ASIC2: variants seen among roughly 807,000 people sequenced by gnomAD.
ASIC2 encodes the protein acid-sensing ion channel 2.
In ASIC2, 25 loss-of-function variants were observed where a neutral mutation model predicts 57.3. The ratio of observed to expected loss-of-function variants is 0.44; its 90% CI spans 0.32 to 0.61. The LOEUF (loss-of-function observed/expected upper bound fraction) is 0.61, where lower values mean the gene tolerates loss of function less well. Among genes scored for constraint, ASIC2 ranks in the 20% least tolerant of loss-of-function variants. The probability of loss-of-function intolerance (pLI) is 0.06; values close to 1 mark genes in which losing one functional copy is unlikely to be tolerated. For synonymous variants in ASIC2, 319 were observed against 307.5 expected, an observed-to-expected ratio of 1.04 and a Z score of -0.39; for missense variants, 641 against 738.1, an observed-to-expected ratio of 0.87 and a Z score of 1.52.
chr17:33,998,031 T>C (rs1263994991), intron 1 of ASIC2, among the ~76,000 whole-genome samples: 1 of 152,200 alleles, frequency 6.6e-6, no homozygotes, highest in African/African-American at 2.4e-5. Context: ...GGCTCTTCTT[T>C]GTTCTGAGAT....
intron 1 of ASIC2, among the ~76,000 whole-genome samples, chr17:33,896,015 A>T (rs1192764881): frequency 1.3e-5 from 2 of 152,242 alleles, no homozygotes; most frequent in African/African-American, 2.4e-5. Context: ...GATTAAAAAA[A>T]AATGTAAAGC....
intron 1 of ASIC2, among the ~76,000 whole-genome samples, chr17:33,622,075 C>T (rs1905819505): frequency 6.6e-6 from 1 of 151,898 alleles, no homozygotes; most frequent in Non-Finnish European, 1.5e-5. Flanking sequence ...CATTTCTCTC[C>T]CTTTCTTCCT....
At chr17:33,583,933 G>C (rs1387527768) in intron 1 of ASIC2, among the ~76,000 whole-genome samples, 1 of 152,154 alleles carries the variant, frequency 6.6e-6, no homozygotes, top group African/African-American at 2.4e-5. Flanking sequence ...AGGCAGACAT[G>C]TTCTGGGCTC....
At chr17:33,402,124 T>C (rs899010236) in intron 1 of ASIC2, among the ~76,000 whole-genome samples, 6 of 152,158 alleles carry the variant, frequency 3.9e-5, no homozygotes, top group African/African-American at 1.4e-4. Flanking sequence ...TCAAGCCCAC[T>C]GGGAAAGCTG....
At chr17:33,756,649 C>T (rs1910612392) in intron 1 of ASIC2, among the ~76,000 whole-genome samples, 1 of 152,178 alleles carries the variant, frequency 6.6e-6, no homozygotes, top group East Asian at 1.9e-4. Context: ...CACTTCCTGC[C>T]CCTGCCAGCA....
chr17:33,808,550 A>C (rs1912330981), intron 1 of ASIC2, among the ~76,000 whole-genome samples: 1 of 152,202 alleles, frequency 6.6e-6, no homozygotes, highest in Admixed American at 6.5e-5. Context: ...TCAGTTTGCC[A>C]ATATCCACAG....
intron 1 of ASIC2, among the ~76,000 whole-genome samples, chr17:33,555,800 T>G (rs905522458): frequency 2.0e-5 from 3 of 152,122 alleles, no homozygotes; most frequent in African/African-American, 7.2e-5. Flanking sequence ...CCCACAGGCC[T>G]TGATTTCGGG....
intron 9 of ASIC2, 82 bp downstream of exon 9, chr17:33,015,889 T>C (rs376082858): frequency 1.3e-5 from 19 of 1,486,350 alleles, no homozygotes; most frequent in African/African-American, 9.7e-5. Context: ...ACATCTTTCC[T>C]GCCCGGCCCC....
At chr17:33,058,481 A>AC (rs1481572005) in intron 3 of ASIC2, among the ~76,000 whole-genome samples, 1 of 151,658 alleles carries the variant, frequency 6.6e-6, no homozygotes, top group African/African-American at 2.4e-5. Flanking sequence ...AAAAAAAAAA[A>AC]AAAAAAAAAA....
intron 1 of ASIC2, among the ~76,000 whole-genome samples, chr17:33,408,653 C>T (rs1232551189): frequency 2.0e-5 from 3 of 152,202 alleles, no homozygotes; most frequent in Non-Finnish European, 1.5e-5. Flanking sequence ...CGCCTTTATC[C>T]TCCACTCCCT....
intron 3 of ASIC2, among the ~76,000 whole-genome samples, chr17:33,065,148 A>G (rs1454543444): frequency 6.6e-6 from 1 of 152,156 alleles, no homozygotes; most frequent in Non-Finnish European, 1.5e-5. Flanking sequence ...ATGGCACATA[A>G]TAGGGGCTCT....
intron 1 of ASIC2, among the ~76,000 whole-genome samples, chr17:33,524,250 T>G (rs922656673): frequency 2.6e-5 from 4 of 152,224 alleles, no homozygotes; most frequent in Admixed American, 6.5e-5. Context: ...GTTCCTTATA[T>G]AGAGACACTG....
intron 3 of ASIC2, among the ~76,000 whole-genome samples, chr17:33,036,647 A>G (rs1172754656): frequency 6.6e-6 from 1 of 151,996 alleles, no homozygotes. Context: ...TAGGGTCTCA[A>G]TCCTCCTGCC....
chr17:33,770,878 C>T (rs1309867931), intron 1 of ASIC2, among the ~76,000 whole-genome samples: 1 of 152,090 alleles, frequency 6.6e-6, no homozygotes, highest in Non-Finnish European at 1.5e-5. Flanking sequence ...GCTCTAAACC[C>T]ACCTGGCTGG....
chr17:33,508,291 AG>A (rs1224263416), intron 1 of ASIC2, among the ~76,000 whole-genome samples: 1 of 152,184 alleles, frequency 6.6e-6, no homozygotes, highest in Non-Finnish European at 1.5e-5. Flanking sequence ...GAGTACAACA[AG>A]AGCCTTCTTC....
chr17:33,208,899 G>A (rs1009461768), intron 1 of ASIC2, among the ~76,000 whole-genome samples: 1 of 152,128 alleles, frequency 6.6e-6, no homozygotes, highest in African/African-American at 2.4e-5. Flanking sequence ...CCATGGTGCC[G>A]ACTTGATTCA....
chr17:33,526,332 T>A (rs1240668307), intron 1 of ASIC2, among the ~76,000 whole-genome samples: 2 of 152,298 alleles, frequency 1.3e-5, no homozygotes, highest in East Asian at 3.9e-4. Context: ...TTCATCCTGA[T>A]GATCCTGATG....
chr17:33,824,088 A>T (rs2141895008), intron 1 of ASIC2, among the ~76,000 whole-genome samples: 1 of 152,260 alleles, frequency 6.6e-6, no homozygotes, highest in East Asian at 1.9e-4. Flanking sequence ...TAAGGAAATG[A>T]CCCACAGGAA....
intron 3 of ASIC2, among the ~76,000 whole-genome samples, chr17:33,073,654 G>A (rs546141335): frequency 8.5e-5 from 13 of 152,330 alleles, no homozygotes; most frequent in Admixed American, 2.0e-4. Flanking sequence ...TCAGTGAACC[G>A]TGATGGAATG....
Sources: allele counts gnomAD v4.1 joint callset (sites outside exome capture counted in the v4.1 genomes callset), GRCh38; gene constraint gnomAD v4.1.1; transcripts MANE v1.5; gene names NCBI Gene and HGNC (gene_info 2026-07-23, HGNC 2026-07-21).